The following NKAIN3 variants were observed in gnomAD, a reference collection of about 807,000 sequenced individuals.
NKAIN3 encodes the protein sodium/potassium-transporting ATPase subunit beta-1-interacting protein 3.
A neutral mutation model predicts 30.2 loss-of-function variants in NKAIN3; 25 were observed. The ratio of observed to expected loss-of-function variants is 0.83; its 90% CI spans 0.60 to 1.16. The LOEUF (loss-of-function observed/expected upper bound fraction) is 1.16, where lower values mean the gene tolerates loss of function less well. Among genes scored for constraint, NKAIN3 ranks in the 50% most tolerant of loss-of-function variants. NKAIN3 has a pLI of 0.00. For synonymous variants in NKAIN3, 91 were observed against 89.6 expected (o/e 1.02, Z -0.09); for missense variants, 225 against 254.1 (o/e 0.89, Z 0.78).
chr8:62,513,661 A>G (rs1039563663), intron 1 of NKAIN3, among the ~76,000 whole-genome samples: 5 of 151,948 alleles, frequency 3.3e-5, no homozygotes, highest in African/African-American at 1.2e-4. Flanking sequence ...TGAGCCAAGG[A>G]GTTTGAGATT....
chr8:62,590,628 C>G (rs1242639325), intron 3 of NKAIN3, among the ~76,000 whole-genome samples: 1 of 151,826 alleles, frequency 6.6e-6, no homozygotes, highest in East Asian at 1.9e-4. Flanking sequence ...TTATAACAGT[C>G]TCAGATTTTC....
chr8:62,331,975 C>T (rs1218900731), intron 1 of NKAIN3, among the ~76,000 whole-genome samples: 3 of 152,048 alleles, frequency 2.0e-5, no homozygotes, highest in East Asian at 1.9e-4. Context: ...GAAATATGCT[C>T]GGATGATCAT....
chr8:62,945,992 A>G (rs1168037075), intron 5 of NKAIN3, among the ~76,000 whole-genome samples: 1 of 152,186 alleles, frequency 6.6e-6, no homozygotes, highest in Non-Finnish European at 1.5e-5. Context: ...TCTGATATGG[A>G]CAATGCAGGC....
intron 1 of NKAIN3, among the ~76,000 whole-genome samples, chr8:62,367,212 A>G (rs1319935167): frequency 6.6e-6 from 1 of 152,214 alleles, no homozygotes; most frequent in Non-Finnish European, 1.5e-5. Flanking sequence ...GCATTACCAT[A>G]ATAACAAATA....
chr8:62,968,880 A>C lies in NKAIN3; in HGVS notation c.*3473A>C, dbSNP rs1377119051. Among the ~76,000 whole-genome samples the C allele has an allele frequency of 6.6e-6, 1 of 152,214 alleles. No individual in the cohort carries two copies. The highest frequency in any genetic ancestry group is 1.5e-5 in the Non-Finnish European group (1 of 68,030). ...CATGTTTCAAAGCCATCAAAATCTAAGCAAGGGAGTTACAGGGAGGGTTAG... is the reference window on the plus strand; with the variant it reads ...CATGTTTCAAAGCCATCAAAATCTACGCAAGGGAGTTACAGGGAGGGTTAG... On this transcript the variant is annotated 3_prime_UTR_variant, in exon 7 of 7. Transcript: ENST00000623646.
chr8:62,438,161 G>A (rs926020106), intron 1 of NKAIN3, among the ~76,000 whole-genome samples: 2 of 152,190 alleles, frequency 1.3e-5, no homozygotes, highest in Non-Finnish European at 2.9e-5. Context: ...CCTCTTCTGG[G>A]CTGCTTTGCT....
chr8:62,594,187 A>G (rs1452416151), intron 3 of NKAIN3, among the ~76,000 whole-genome samples: 1 of 152,052 alleles, frequency 6.6e-6, no homozygotes, highest in East Asian at 1.9e-4. Context: ...TATCAAACAT[A>G]AGAAATACAT....
intron 2 of NKAIN3, among the ~76,000 whole-genome samples, chr8:62,580,464 C>A (rs1031492664): frequency 3.9e-5 from 6 of 151,974 alleles, no homozygotes; most frequent in Non-Finnish European, 5.9e-5. Flanking sequence ...GTTCATTAAG[C>A]CTGAATAAAT....
At chr8:62,643,669 A>G (rs1554558269) in intron 3 of NKAIN3, among the ~76,000 whole-genome samples, 1 of 152,016 alleles carries the variant, frequency 6.6e-6, no homozygotes, top group Non-Finnish European at 1.5e-5. Context: ...CCTCAAATAA[A>G]CCCTGCTTCA....
intron 6 of NKAIN3, among the ~76,000 whole-genome samples, chr8:62,964,803 T>C (rs1224095008): frequency 7.1e-6 from 1 of 140,812 alleles, no homozygotes; most frequent in Non-Finnish European, 1.5e-5. Context: ...CTTTTCAAAA[T>C]AAAAAATTTA....
At chr8:62,531,694 A>AAATGAATC (rs1353815987) in intron 1 of NKAIN3, among the ~76,000 whole-genome samples, 1 of 152,180 alleles carries the variant, frequency 6.6e-6, no homozygotes, top group African/African-American at 2.4e-5. Flanking sequence ...AACCATGAAG[A>AAATGAATC]AATGAATCAA....
intron 1 of NKAIN3, among the ~76,000 whole-genome samples, chr8:62,304,904 G>T (rs111730837): frequency 2.7e-5 from 4 of 150,438 alleles, no homozygotes; most frequent in Admixed American, 2.6e-4. Context: ...CATTATAAAG[G>T]CTCAGTTGTA....
At position 62,297,142 on chromosome 8, in the gene NKAIN3, C is replaced by T. The variant is rs1046039725; in HGVS notation, c.54+48015C>T. On this transcript the variant is annotated intron_variant, in intron 1 of 6. Coordinates refer to ENST00000623646, the MANE Select transcript of NKAIN3 (RefSeq NM_001304533.3). ...AGCCATAAGGATCTTTCACTGGATC[C>T]CTTCCTTACACCTTATACAAAAATT... Among the ~76,000 whole-genome samples the T allele has an allele frequency of 3.3e-5, 5 of 152,068 alleles. No individual in the cohort carries two copies. In the East Asian group the frequency reaches 7.7e-4, roughly 23 times the overall value.
intron 3 of NKAIN3, among the ~76,000 whole-genome samples, chr8:62,592,792 C>T (rs888804571): frequency 6.6e-6 from 1 of 151,472 alleles, no homozygotes; most frequent in Non-Finnish European, 1.5e-5. Flanking sequence ...AGAAGAAAAC[C>T]TCTGTGGTCA....
intron 1 of NKAIN3, among the ~76,000 whole-genome samples, chr8:62,260,808 A>G (rs1184474232): frequency 6.6e-6 from 1 of 152,156 alleles, no homozygotes; most frequent in Non-Finnish European, 1.5e-5. Context: ...AAAAGTATAC[A>G]TATTTAAAAG....
At chr8:62,313,730 T>C (rs1294533665) in intron 1 of NKAIN3, among the ~76,000 whole-genome samples, 1 of 152,188 alleles carries the variant, frequency 6.6e-6, no homozygotes, top group African/African-American at 2.4e-5. Context: ...TTTCAAAAAC[T>C]GTGTTATAAG....
intron 4 of NKAIN3, among the ~76,000 whole-genome samples, chr8:62,790,227 G>A (rs928337265): frequency 2.0e-5 from 3 of 152,142 alleles, no homozygotes; most frequent in African/African-American, 7.2e-5. Context: ...GATTATCTCA[G>A]TAGATGCAGA....
chr8:62,711,310 G>T (rs1035356143), intron 3 of NKAIN3, among the ~76,000 whole-genome samples: 3 of 152,086 alleles, frequency 2.0e-5, no homozygotes, highest in Non-Finnish European at 4.4e-5. Flanking sequence ...GGTTTTCCTC[G>T]ATTATTCCCC....
intron 4 of NKAIN3, among the ~76,000 whole-genome samples, chr8:62,880,047 A>G (rs757711513): frequency 5.9e-5 from 9 of 152,222 alleles, no homozygotes; most frequent in Non-Finnish European, 1.2e-4. Context: ...AGAGATCGCC[A>G]GTCCCTACAT....
Sources: gnomAD v4.1 joint callset for allele counts (sites outside exome capture counted in the v4.1 genomes callset) on GRCh38, gnomAD v4.1.1 for gene constraint, MANE v1.5 for transcripts, NCBI Gene and HGNC (gene_info 2026-07-23, HGNC 2026-07-21) for gene names.